Variants in FGF14 observed in about 807,000 individuals in gnomAD.
FGF14 encodes the protein fibroblast growth factor 14, also known as fibroblast growth factor homologous factor 4.
Under a neutral mutation model 25.5 loss-of-function variants are expected in FGF14, and 5 were observed. That is an observed-to-expected ratio of 0.20 (90% CI 0.10 to 0.41). The LOEUF (loss-of-function observed/expected upper bound fraction) is 0.41, where lower values mean the gene tolerates loss of function less well. FGF14 is among the 10% of genes least tolerant of loss of function. The probability of loss-of-function intolerance (pLI) is 1.00; values close to 1 mark genes in which losing one functional copy is unlikely to be tolerated. For missense variants in FGF14, 222 were observed against 320.1 expected, an observed-to-expected ratio of 0.69 and a Z score of 2.34; for synonymous variants, 138 against 118.3, an observed-to-expected ratio of 1.17 and a Z score of -1.08.
rs181008263 is a variant in FGF14, at chr13:102,175,426, T to C, written c.208+226045A>G. 7.3e-4 allele frequency among the ~76,000 whole-genome samples: 111 copies of C among 152,202 alleles called. 1 individual carries two copies. The highest frequency in any genetic ancestry group is 2.1e-3 in the Admixed American group (32 of 15,278). ...AAAACTGGACTCCTATCTCACCATA[T>C]ACAAAAATTAACTCAAAACAGATTA... On this transcript the variant is annotated intron_variant, in intron 1 of 4. Coordinates refer to the FGF14 transcript ENST00000376131.
intron 1 of FGF14, among the ~76,000 whole-genome samples, chr13:102,103,813 A>G (rs1272147837): frequency 6.6e-6 from 1 of 152,152 alleles, no homozygotes; most frequent in East Asian, 1.9e-4. Context: ...GTAATGCAGA[A>G]GTCACTGACC....
intron 3 of FGF14, among the ~76,000 whole-genome samples, chr13:101,787,246 AGTG>A (rs893829375): frequency 3.3e-5 from 5 of 152,208 alleles, no homozygotes; most frequent in African/African-American, 1.2e-4. Context: ...GATTTCAAAT[AGTG>A]TTGTAATAAA....
At chr13:102,154,108 C>A (rs1320612936) in intron 1 of FGF14, among the ~76,000 whole-genome samples, 2 of 152,072 alleles carry the variant, frequency 1.3e-5, no homozygotes, top group African/African-American at 4.8e-5. Context: ...ATAGTTAAAT[C>A]TTTGAACTCC....
At chr13:102,362,618 CTA>C (rs1269812515) in intron 1 of FGF14, among the ~76,000 whole-genome samples, 2 of 152,142 alleles carry the variant, frequency 1.3e-5, no homozygotes, top group Non-Finnish European at 2.9e-5. Context: ...GCTGTTACCT[CTA>C]TGTACAATAG....
intron 1 of FGF14, among the ~76,000 whole-genome samples, chr13:102,169,240 T>C (rs570585036): frequency 6.6e-6 from 1 of 151,974 alleles, no homozygotes; most frequent in Non-Finnish European, 1.5e-5. Flanking sequence ...TTACTTGTGC[T>C]TCCCCACATT....
intron 1 of FGF14, among the ~76,000 whole-genome samples, chr13:101,991,085 C>CT (rs1236621944): frequency 6.6e-6 from 1 of 152,028 alleles, no homozygotes; most frequent in Non-Finnish European, 1.5e-5. Context: ...TGTTTTGTAT[C>CT]TTTCACAGAT....
rs141871375 is a variant in FGF14, at chr13:102,274,359, A to G, written c.208+127112T>C. On this transcript the variant is annotated intron_variant, in intron 1 of 4. Transcript: ENST00000376131. ...AAGTTCCATAAGGAATGCTGCATGTATCTGTGGCAACATTGTACAAACTAA... is the reference window on the plus strand; with the variant it reads ...AAGTTCCATAAGGAATGCTGCATGTGTCTGTGGCAACATTGTACAAACTAA... Among the ~76,000 whole-genome samples the G allele has an allele frequency of 2.7e-3, 405 of 152,294 alleles. 2 individuals carry two copies. Among genetic ancestry groups the G allele is most frequent in the Non-Finnish European group, 3.9e-3 (267 of 68,022 alleles).
chr13:102,204,884 A>G (rs537308651), intron 1 of FGF14, among the ~76,000 whole-genome samples: 2 of 152,334 alleles, frequency 1.3e-5, no homozygotes, highest in African/African-American at 4.8e-5. Context: ...TGATTATATC[A>G]CAAGGTATAA....
chr13:101,816,226 C>T (rs2041839896), intron 3 of FGF14, among the ~76,000 whole-genome samples: 1 of 145,426 alleles, frequency 6.9e-6, no homozygotes, highest in South Asian at 2.2e-4. Context: ...GCCGAGATCG[C>T]GCCACTGCAC....
chr13:101,857,261 T>C (rs982201797), intron 3 of FGF14, among the ~76,000 whole-genome samples: 23 of 151,982 alleles, frequency 1.5e-4, no homozygotes, highest in East Asian at 7.7e-4. Flanking sequence ...ACCTCCACCT[T>C]GTCAGAGAAC....
chr13:102,142,829 T>C (rs1176430145), intron 1 of FGF14, among the ~76,000 whole-genome samples: 1 of 152,234 alleles, frequency 6.6e-6, no homozygotes, highest in Non-Finnish European at 1.5e-5. Context: ...AAATTTTGAA[T>C]GTTATAAACA....
chr13:102,119,533 T>C (rs1463842863), intron 1 of FGF14, among the ~76,000 whole-genome samples: 2 of 152,200 alleles, frequency 1.3e-5, no homozygotes, highest in East Asian at 1.9e-4. Context: ...AATAATGGTA[T>C]GTGACTATGT....
intron 3 of FGF14, among the ~76,000 whole-genome samples, chr13:101,765,236 G>A (rs994764953): frequency 6.6e-6 from 1 of 152,116 alleles, no homozygotes; most frequent in Non-Finnish European, 1.5e-5. Context: ...TCAGATATTA[G>A]AGTTGACAAG....
At chr13:101,751,479 TTAA>T (rs1259010774) in intron 3 of FGF14, among the ~76,000 whole-genome samples, 2 of 152,178 alleles carry the variant, frequency 1.3e-5, no homozygotes, top group African/African-American at 4.8e-5. Flanking sequence ...CACTGATGTC[TTAA>T]TAAGTTCCAC....
At chr13:102,288,609 G>A (rs2054225096) in intron 1 of FGF14, among the ~76,000 whole-genome samples, 1 of 150,736 alleles carries the variant, frequency 6.6e-6, no homozygotes, top group Non-Finnish European at 1.5e-5. Context: ...TTTTGAGATG[G>A]CGTCTCACTC....
At chr13:101,752,626 T>C (rs1313988014) in intron 3 of FGF14, among the ~76,000 whole-genome samples, 1 of 152,198 alleles carries the variant, frequency 6.6e-6, no homozygotes, top group African/African-American at 2.4e-5. Context: ...CAGTGGAAAG[T>C]GAGCCCCTTT....
rs2034497540 is a variant in FGF14, at chr13:101,712,114, A to G, written c.*10717T>C. 1 of 152,204 alleles carries G rather than the reference A, an allele frequency of 6.6e-6. No homozygotes were observed. Among genetic ancestry groups the G allele is most frequent in the Non-Finnish European group, 1.5e-5 (1 of 68,042 alleles). The allele number at this position is 152,204 out of a possible 1,614,324, so 9.4% of individuals were successfully genotyped here. On this transcript the variant is annotated 3_prime_UTR_variant, in exon 5 of 5. Transcript: ENST00000376143. The stretch of plus-strand genomic sequence containing the variant: ...AGGAAAAGTGCTATAATAGGTCCTA[A>G]TAACTATTCACACTGTGTTATTACT...
At chr13:102,378,677 C>T (rs892024821) in intron 1 of FGF14, among the ~76,000 whole-genome samples, 4 of 150,200 alleles carry the variant, frequency 2.7e-5, no homozygotes, top group Non-Finnish European at 5.9e-5. Context: ...TATTTAAAGG[C>T]GGTATTCTCC....
Position 101,752,295 on chromosome 13 carries a change from A to G in FGF14, c.409-25485T>C, listed in dbSNP as rs73568255. On this transcript the variant is annotated intron_variant, in intron 3 of 4. Transcript: ENST00000376143. Reference sequence around the variant, plus strand: ...ATAACATCAAAAACATGTTTATATCATCTTTATCTTTTCAACAGTCTAATG... The same window carrying G: ...ATAACATCAAAAACATGTTTATATCGTCTTTATCTTTTCAACAGTCTAATG... Among the ~76,000 whole-genome samples, 537 of 152,312 alleles carry G rather than the reference A, an allele frequency of 3.5e-3. 4 individuals carry two copies. The highest frequency in any genetic ancestry group is 0.012 in the African/African-American group (507 of 41,570).
Sources: allele counts gnomAD v4.1 joint callset (sites outside exome capture counted in the v4.1 genomes callset), GRCh38; gene constraint gnomAD v4.1.1; transcripts MANE v1.5; gene names NCBI Gene and HGNC (gene_info 2026-07-23, HGNC 2026-07-21).